LY86: variants seen among roughly 807,000 people sequenced by gnomAD.
The protein encoded by LY86 is lymphocyte antigen 86, also known as MD-1, RP105-associated.
A neutral mutation model predicts 17.3 loss-of-function variants in LY86; 20 were observed. The ratio of observed to expected loss-of-function variants is 1.15; its 90% CI spans 0.81 to 1.68. LY86 has a LOEUF of 1.68. Ranked by LOEUF, LY86 falls within the 40% of genes most tolerant of loss-of-function variation. LY86 has a pLI of 0.00. For missense variants in LY86, 200 were observed against 191.9 expected, an observed-to-expected ratio of 1.04 and a Z score of -0.25; for synonymous variants, 74 against 70.6, an observed-to-expected ratio of 1.05 and a Z score of -0.24.
intron 4 of LY86, among the ~76,000 whole-genome samples, chr6:6,651,711 T>G (rs1762189155): frequency 6.6e-6 from 1 of 152,080 alleles, no homozygotes; most frequent in South Asian, 2.1e-4. Flanking sequence ...TCAGCAACTG[T>G]TATAAGATAG....
intron 1 of LY86, among the ~76,000 whole-genome samples, chr6:6,610,287 CTT>C (rs759971792): frequency 2.0e-5 from 3 of 152,194 alleles, no homozygotes; most frequent in South Asian, 2.1e-4. Context: ...CCTCTGTACT[CTT>C]TGTGTAGCTT....
rs1377219640 is a variant in LY86, at chr6:6,654,751, C to G, written c.*124C>G. 1 of 747,698 alleles carries G rather than the reference C, an allele frequency of 1.3e-6. No homozygotes were observed. Among genetic ancestry groups the G allele is most frequent in the Non-Finnish European group, 2.2e-6 (1 of 447,266 alleles). The allele number at this position is 747,698 out of a possible 1,614,324, so 46.3% of individuals were successfully genotyped here. A position where few individuals can be genotyped will look rare whatever the true frequency, so the allele number is the denominator to read the frequency against. On this transcript the variant is annotated 3_prime_UTR_variant, in exon 5 of 5. Coordinates refer to ENST00000230568, the MANE Select transcript of LY86 (RefSeq NM_004271.4). ...AGAGAGGCTCTACAAAGAAGCGCCC[C>G]CAAAGAGTGCAGCTGCTAATTTTAG...
intron 3 of LY86, among the ~76,000 whole-genome samples, chr6:6,649,347 T>C (rs1358470210): frequency 6.6e-6 from 1 of 152,246 alleles, no homozygotes; most frequent in Admixed American, 6.5e-5. Context: ...TAGCCAGACC[T>C]TAACAGAATG....
chr6:6,611,024 T>C (rs1275807166), intron 1 of LY86, among the ~76,000 whole-genome samples: 2 of 152,208 alleles, frequency 1.3e-5, no homozygotes, highest in Non-Finnish European at 2.9e-5. Context: ...ATCTTGTTTT[T>C]CCACTGTCCT....
intron 1 of LY86, among the ~76,000 whole-genome samples, chr6:6,590,498 G>A (rs1760491774): frequency 6.6e-6 from 1 of 152,052 alleles, no homozygotes. Flanking sequence ...CTTGGAAAGT[G>A]AAATCTTGGA....
At chr6:6,652,646 C>A (rs547937139) in intron 4 of LY86, among the ~76,000 whole-genome samples, 2 of 152,324 alleles carry the variant, frequency 1.3e-5, no homozygotes, top group African/African-American at 4.8e-5. Context: ...GCCAAAGGTG[C>A]ACCTACAAAT....
intron 4 of LY86, among the ~76,000 whole-genome samples, chr6:6,651,562 T>G (rs1431840473): frequency 6.6e-6 from 1 of 152,224 alleles, no homozygotes; most frequent in Non-Finnish European, 1.5e-5. Context: ...AGTTCCATTT[T>G]TCTTTAAATC....
At chr6:6,638,027 A>G (rs977988004) in intron 3 of LY86, among the ~76,000 whole-genome samples, 1 of 152,252 alleles carries the variant, frequency 6.6e-6, no homozygotes, top group African/African-American at 2.4e-5. Flanking sequence ...GCAGACAAAC[A>G]GGGCTTGCAG....
At chr6:6,604,332 GCTT>G (rs1203808123) in intron 1 of LY86, among the ~76,000 whole-genome samples, 1 of 151,942 alleles carries the variant, frequency 6.6e-6, no homozygotes, top group Non-Finnish European at 1.5e-5. Flanking sequence ...AAAATGTATA[GCTT>G]CTTTAATTAA....
At chr6:6,620,127 C>CACA (rs1761640696) in intron 1 of LY86, among the ~76,000 whole-genome samples, 1 of 151,974 alleles carries the variant, frequency 6.6e-6, no homozygotes, top group African/African-American at 2.4e-5. Flanking sequence ...AAAAAACAGG[C>CACA]ACATACATGC....
At chr6:6,627,791 C>G (rs891959514) in intron 3 of LY86, among the ~76,000 whole-genome samples, 10 of 152,132 alleles carry the variant, frequency 6.6e-5, no homozygotes, top group African/African-American at 2.4e-4. Flanking sequence ...ATTAATATTC[C>G]AACTTCATAA....
intron 1 of LY86, among the ~76,000 whole-genome samples, chr6:6,603,619 C>CAAAAAAAAAA (rs758614233): frequency 2.5e-5 from 3 of 117,670 alleles, no homozygotes; most frequent in East Asian, 2.5e-4. Context: ...AAAAAACAAA[C>CAAAAAAAAAA]AAAAAAAAAC....
At chr6:6,627,497 G>A (rs771901917) in intron 3 of LY86, among the ~76,000 whole-genome samples, 2 of 152,172 alleles carry the variant, frequency 1.3e-5, no homozygotes, top group Non-Finnish European at 2.9e-5. Context: ...TCCCGAGTGT[G>A]TGGCACATCA....
At chr6:6,643,111 T>G (rs1284329142) in intron 3 of LY86, among the ~76,000 whole-genome samples, 1 of 152,222 alleles carries the variant, frequency 6.6e-6, no homozygotes, top group East Asian at 1.9e-4. Context: ...TTTGGATATA[T>G]AAATACCTAG....
chr6:6,612,278 TTC>T (rs746743647), intron 1 of LY86, among the ~76,000 whole-genome samples: 27 of 152,346 alleles, frequency 1.8e-4, no homozygotes, highest in African/African-American at 4.6e-4. Flanking sequence ...TGTTCTGAGT[TTC>T]TTTCTCGTGG....
chr6:6,626,349 G>A lies in LY86; in HGVS notation c.280G>A (p.Val94Ile). Residue 94 changes from valine to isoleucine, a missense_variant, in exon 3 of 5, where the codon GTT (valine) becomes ATT (isoleucine). By Grantham distance (29) the Val-to-Ile change is conservative. Coordinates refer to ENST00000230568, the MANE Select transcript of LY86 (RefSeq NM_004271.4). Reference sequence around the variant, plus strand: ...AGCTCTCATGTCTCAAGGCTCATCTGTTTTGAATTTCTCCTATCCCATCTG... The same window carrying A: ...AGCTCTCATGTCTCAAGGCTCATCTATTTTGAATTTCTCCTATCCCATCTG... ...DLALMSQGSS[V>I]LNFSYPICEA... is the part of the protein sequence containing the mutation. 2 of 1,614,026 alleles carry A rather than the reference G, an allele frequency of 1.2e-6. No homozygotes were observed. Among genetic ancestry groups the A allele is most frequent in the South Asian group, 1.1e-5 (1 of 91,088 alleles).
chr6:6,590,924 G>T (rs1010399685), intron 1 of LY86, among the ~76,000 whole-genome samples: 6 of 151,986 alleles, frequency 3.9e-5, no homozygotes, highest in African/African-American at 7.3e-5. Flanking sequence ...GGACATTGAA[G>T]TGCACACACA....
At chr6:6,649,816 TC>T (rs1762160706) in intron 4 of LY86, 139 bp downstream of exon 4, 1 of 643,084 alleles carries the variant, frequency 1.6e-6, no homozygotes, top group South Asian at 1.8e-5. Context: ...CCATAGGCCA[TC>T]CCTGCAAAAA....
intron 1 of LY86, among the ~76,000 whole-genome samples, chr6:6,616,598 G>A (rs1761560304): frequency 6.6e-6 from 1 of 152,202 alleles, no homozygotes; most frequent in South Asian, 2.1e-4. Context: ...CCATCAATGA[G>A]CAGACCAGGC....
Sources: gnomAD v4.1 joint callset for allele counts (sites outside exome capture counted in the v4.1 genomes callset) on GRCh38, gnomAD v4.1.1 for gene constraint, MANE v1.5 for transcripts, NCBI Gene and HGNC (gene_info 2026-07-23, HGNC 2026-07-21) for gene names.